Variants in UGGT2 observed in about 807,000 individuals in gnomAD.
UGGT2 encodes the protein UDP-glucose glycoprotein glucosyltransferase 2.
A neutral mutation model predicts 192.1 loss-of-function variants in UGGT2; 180 were observed. The observed-to-expected ratio is 0.94, with a 90% CI of 0.83 to 1.06. The LOEUF (loss-of-function observed/expected upper bound fraction) is 1.06. Among genes scored for constraint, UGGT2 ranks in the 50% least tolerant of loss-of-function variants. The pLI, the probability that UGGT2 is intolerant of heterozygous loss-of-function variation, is 0.00. For missense variants in UGGT2, 1,849 were observed against 1,795.7 expected (o/e 1.03, Z -0.54); for synonymous variants, 580 against 591.0 (o/e 0.98, Z 0.27).
intron 38 of UGGT2, among the ~76,000 whole-genome samples, chr13:95,823,422 T>C (rs1450907901): frequency 2.0e-5 from 3 of 152,092 alleles, no homozygotes; most frequent in Non-Finnish European, 2.9e-5. Context: ...TAGTAGTAAC[T>C]GTTTTATAAA....
chr13:95,924,065 A>AT (rs2048935893), intron 20 of UGGT2, among the ~76,000 whole-genome samples: 1 of 152,190 alleles, frequency 6.6e-6, no homozygotes. Context: ...GGGATCCAAA[A>AT]TTATTTCTTG....
intron 5 of UGGT2, 139 bp from the exon 6 acceptor site, chr13:95,999,446 G>T: frequency 1.4e-6 from 1 of 725,248 alleles, no homozygotes; most frequent in Non-Finnish European, 2.2e-6. Context: ...AAAATTTGGG[G>T]GTTGTTTATA....
intron 17 of UGGT2, among the ~76,000 whole-genome samples, chr13:95,936,401 G>T (rs2049464006): frequency 6.6e-6 from 1 of 152,166 alleles, no homozygotes. Context: ...CTTGTTACTG[G>T]GATAATCTCT....
At chr13:95,816,118 T>G (rs940563522) in intron 38 of UGGT2, among the ~76,000 whole-genome samples, 12 of 152,246 alleles carry the variant, frequency 7.9e-5, no homozygotes, top group African/African-American at 2.9e-4. Flanking sequence ...TGGAACCACA[T>G]GAGCCAATTA....
At chr13:95,853,857 C>A (rs1395421498) in intron 35 of UGGT2, among the ~76,000 whole-genome samples, 200 bp from the exon 36 acceptor site, 2 of 152,044 alleles carry the variant, frequency 1.3e-5, no homozygotes, top group Non-Finnish European at 2.9e-5. Context: ...TTGGTAGAAC[C>A]CATAATCTTT....
chr13:95,983,744 C>A, intron 10 of UGGT2, 60 bp downstream of exon 10: 1 of 1,255,066 alleles, frequency 8.0e-7, no homozygotes, highest in South Asian at 1.5e-5. Flanking sequence ...ATTGAAGATC[C>A]AAAGTCAGAA....
chr13:95,877,299 T>A lies in UGGT2; in HGVS notation c.3453A>T (p.Glu1151Asp). The A allele has an allele frequency of 6.2e-7, 1 of 1,602,340 alleles. No homozygotes were observed. The highest frequency in any genetic ancestry group is 8.5e-7 in the Non-Finnish European group (1 of 1,175,890). The change falls in exon 29 of 39, where the codon GAA (glutamate) becomes GAT (aspartate). Residue 1151 changes from glutamate (E) to aspartate (D), a missense_variant. Glu to Asp is a conservative substitution (Grantham distance 45). Transcript: ENST00000376747. ...CTCACCCAACTATTTGATAAATATC[T>A]TCAGATTTTCCTTGGTGTAACCTCA... The part of the protein sequence containing the change: ...WILRLHQGKS[E>D]DIYQIVGHEG...
intron 24 of UGGT2, among the ~76,000 whole-genome samples, chr13:95,893,172 A>T (rs1388392749): frequency 6.6e-6 from 1 of 152,154 alleles, no homozygotes; most frequent in East Asian, 1.9e-4. Flanking sequence ...ACCCTGTCAA[A>T]TTTAAATTTT....
rs769198337 is a variant in UGGT2, at chr13:95,927,316, C to T, written c.1998G>A (p.Thr666=). The T allele has an allele frequency of 1.1e-5, 18 of 1,606,442 alleles. No individual in the cohort carries two copies. Among genetic ancestry groups the T allele is most frequent in the African/African-American group, 6.7e-5 (5 of 74,516 alleles). ...EVFLGTLNDR[T]NAIDFLMDRN... ...TATCCATTAGAAAATCAATTGCATT[C>T]GTGCGATCATTTAATGTGCCCTAAA... Residue 666 remains threonine, a synonymous_variant, in exon 18 of 39, where the codon ACG becomes ACA. Coordinates refer to ENST00000376747, the MANE Select transcript of UGGT2 (RefSeq NM_020121.4).
intron 7 of UGGT2, 195 bp downstream of exon 7, chr13:95,995,868 T>C (rs1483645379): frequency 1.8e-6 from 1 of 557,668 alleles, no homozygotes; most frequent in African/African-American, 2.0e-5. Flanking sequence ...TTTTTAAATG[T>C]GCTTTTCTGC....
chr13:95,835,704 T>A (rs1487787564), intron 37 of UGGT2, among the ~76,000 whole-genome samples: 1 of 152,170 alleles, frequency 6.6e-6, no homozygotes, highest in African/African-American at 2.4e-5. Flanking sequence ...TTTCTACACT[T>A]AGCACATTAA....
intron 2 of UGGT2, 95 bp from the exon 3 acceptor site, chr13:96,023,854 T>C: frequency 4.7e-6 from 5 of 1,073,504 alleles, no homozygotes; most frequent in Non-Finnish European, 6.4e-6. Context: ...TGTCATATAA[T>C]CATATCTGAA....
At position 95,973,819 on chromosome 13, in the gene UGGT2, C is replaced by T. The variant is rs192968308; in HGVS notation, c.1093-1148G>A. Among the ~76,000 whole-genome samples the T allele has an allele frequency of 8.5e-5, 13 of 152,288 alleles. No individual in the cohort carries two copies. In the East Asian group the frequency reaches 2.5e-3, roughly 29 times the overall value. On this transcript the variant is annotated intron_variant, in intron 10 of 38. Coordinates refer to ENST00000376747, the MANE Select transcript of UGGT2 (RefSeq NM_020121.4). ...AAATCACTTTCATAATCCTCAGTTT[C>T]CTCATCTATAAAATGGGAATAATTA... is the stretch of plus-strand genomic sequence containing the variant.
At chr13:96,044,598 T>C (rs1204842291) in intron 1 of UGGT2, among the ~76,000 whole-genome samples, 2 of 151,938 alleles carry the variant, frequency 1.3e-5, no homozygotes, top group African/African-American at 2.4e-5. Flanking sequence ...AATAGACCAT[T>C]AGCAAGATTA....
rs138114015 is a variant in UGGT2 at position 95,996,092 on chromosome 13, T to A, written c.801A>T (p.Glu267Asp). ...TTVEDETETN[E>D]VQGFLFGKLK... ...GTTTCCCAAAGAGAAATCCTTGAAC[T>A]TCATTTGTTTCAGTCTCATCCTCTA... The change falls in exon 7 of 39, where the codon GAA becomes GAT. Residue 267 changes from glutamate to aspartate, a missense_variant. Physicochemically the swap from Glu to Asp is conservative, Grantham distance 45 (BLOSUM62 2). Transcript: ENST00000376747. 1.9e-6 allele frequency: 3 copies of A among 1,613,676 alleles called. No homozygotes were observed. In the African/African-American group the frequency reaches 4.0e-5, roughly 22 times the overall value.
intron 10 of UGGT2, among the ~76,000 whole-genome samples, chr13:95,981,070 A>T (rs2051107824): frequency 6.6e-6 from 1 of 152,038 alleles, no homozygotes; most frequent in Non-Finnish European, 1.5e-5. Flanking sequence ...TTTTAAACTA[A>T]ATGTTTCTTA....
intron 36 of UGGT2, among the ~76,000 whole-genome samples, chr13:95,838,122 G>C (rs1887499617): frequency 6.6e-6 from 1 of 152,084 alleles, no homozygotes; most frequent in Admixed American, 6.6e-5. Context: ...AAGATAAAAA[G>C]TTAATATACA....
chr13:95,995,975 T>G, intron 7 of UGGT2, 88 bp downstream of exon 7: 1 of 1,115,506 alleles, frequency 9.0e-7, no homozygotes, highest in Non-Finnish European at 1.3e-6. Flanking sequence ...AAAAGAAAGG[T>G]GAAGCATATG....
intron 10 of UGGT2, among the ~76,000 whole-genome samples, chr13:95,978,382 A>G (rs1203901069): frequency 1.3e-5 from 2 of 152,100 alleles, no homozygotes; most frequent in East Asian, 3.9e-4. Context: ...TAGATTATTC[A>G]TTGTTTTGCT....
Sources: gnomAD v4.1 joint callset for allele counts (sites outside exome capture counted in the v4.1 genomes callset) on GRCh38, gnomAD v4.1.1 for gene constraint, MANE v1.5 for transcripts, NCBI Gene and HGNC (gene_info 2026-07-23, HGNC 2026-07-21) for gene names.